STAG1: variants seen among roughly 807,000 people sequenced by gnomAD.
STAG1 encodes the protein STAG1 cohesin complex component.
In STAG1, 26 loss-of-function variants were observed where a neutral mutation model predicts 170.9. That is an observed-to-expected ratio of 0.15 (90% CI 0.11 to 0.21). The LOEUF is 0.21. Ranked by LOEUF, STAG1 falls within the 10% of genes least tolerant of loss-of-function variation. The pLI, the probability that STAG1 is intolerant of heterozygous loss-of-function variation, is 1.00. For synonymous variants in STAG1, 514 were observed against 497.7 expected (o/e 1.03, Z -0.44); for missense variants, 964 against 1,509.5 (o/e 0.64, Z 5.99).
chr3:136,389,482 A>G (rs2086952812), intron 22 of STAG1, among the ~76,000 whole-genome samples: 1 of 151,646 alleles, frequency 6.6e-6, no homozygotes, highest in Admixed American at 6.6e-5. Flanking sequence ...TTTAGTAGAG[A>G]CGGGGTTTCA....
chr3:136,600,369 C>T (rs2107803213), intron 4 of STAG1, among the ~76,000 whole-genome samples: 1 of 152,292 alleles, frequency 6.6e-6, no homozygotes, highest in East Asian at 1.9e-4. Context: ...TCCTATTCTT[C>T]ATGAAGCACT....
chr3:136,359,631 G>A (rs1428294601), intron 26 of STAG1, among the ~76,000 whole-genome samples: 1 of 152,158 alleles, frequency 6.6e-6, no homozygotes, highest in African/African-American at 2.4e-5. Flanking sequence ...CCGGGTTAAA[G>A]GAATTCTCAC....
At chr3:136,518,347 C>A (rs928550639) in intron 7 of STAG1, 1 of 699,154 alleles carries the variant, frequency 1.4e-6, no homozygotes, top group African/African-American at 1.8e-5. Flanking sequence ...TGTAACTGTC[C>A]ATGCACATAG....
At chr3:136,559,721 T>C (rs981694970) in intron 5 of STAG1, among the ~76,000 whole-genome samples, 7 of 152,218 alleles carry the variant, frequency 4.6e-5, no homozygotes, top group African/African-American at 1.4e-4. Flanking sequence ...ATGAGGCAAC[T>C]TGCAATCTCA....
intron 1 of STAG1, among the ~76,000 whole-genome samples, chr3:136,677,813 T>G (rs1308748959): frequency 1.3e-5 from 2 of 151,072 alleles, no homozygotes; most frequent in African/African-American, 4.9e-5. Context: ...GCAGCCTGAA[T>G]AGACTAAGAA....
chr3:136,734,201 G>C (rs1345584871), intron 1 of STAG1, among the ~76,000 whole-genome samples: 1 of 151,858 alleles, frequency 6.6e-6, no homozygotes, highest in East Asian at 1.9e-4. Flanking sequence ...AAGAATAGGG[G>C]CTGACTACCT....
rs370653024 is a variant in STAG1, at chr3:136,463,351, G to A, written c.1313+1530C>T. Among the ~76,000 whole-genome samples the A allele has an allele frequency of 2.4e-4, 36 of 152,290 alleles. No individual in the cohort carries two copies. The South Asian group carries it at 7.3e-3, about 31-fold the overall frequency. On this transcript the variant is annotated intron_variant, in intron 13 of 33. Coordinates refer to ENST00000383202, the MANE Select transcript of STAG1 (RefSeq NM_005862.3). ...TAGCACTGAATGCAGATACTGGAGAGAGGACCAGGCCTGCTCATTATCAAA... is the reference window on the plus strand; with the variant it reads ...TAGCACTGAATGCAGATACTGGAGAAAGGACCAGGCCTGCTCATTATCAAA...
intron 29 of STAG1, among the ~76,000 whole-genome samples, chr3:136,345,486 G>T (rs1417317357): frequency 2.0e-5 from 3 of 146,492 alleles, no homozygotes; most frequent in South Asian, 2.1e-4. Flanking sequence ...TTTGAGATGG[G>T]GTTTTGCTAT....
intron 12 of STAG1, among the ~76,000 whole-genome samples, chr3:136,470,416 C>T (rs1331420599): frequency 6.6e-6 from 1 of 152,178 alleles, no homozygotes; most frequent in Non-Finnish European, 1.5e-5. Flanking sequence ...CAGAGAAATG[C>T]AAATCAAAAC....
intron 1 of STAG1, among the ~76,000 whole-genome samples, chr3:136,699,554 T>A (rs1942987598): frequency 6.6e-6 from 1 of 151,278 alleles, no homozygotes; most frequent in African/African-American, 2.4e-5. Flanking sequence ...CTAATTTATT[T>A]TTTTTTTTTT....
intron 3 of STAG1, among the ~76,000 whole-genome samples, chr3:136,612,099 G>A (rs1303422221): frequency 2.0e-5 from 3 of 151,610 alleles, no homozygotes; most frequent in South Asian, 2.1e-4. Flanking sequence ...TGCCCGCCTC[G>A]GCCTCCCAAA....
intron 9 of STAG1, among the ~76,000 whole-genome samples, chr3:136,485,888 A>C (rs898672610): frequency 1.3e-5 from 2 of 152,224 alleles, no homozygotes; most frequent in East Asian, 3.8e-4. Context: ...TTCTATAAAC[A>C]ATTATAAATT....
chr3:136,514,835 T>C (rs778746422), intron 7 of STAG1, among the ~76,000 whole-genome samples: 19 of 152,170 alleles, frequency 1.2e-4, no homozygotes, highest in South Asian at 4.1e-4. Context: ...CACCGCATGT[T>C]CTCACTCATA....
chr3:136,666,272 A>G (rs1941770249), intron 1 of STAG1, among the ~76,000 whole-genome samples: 1 of 151,998 alleles, frequency 6.6e-6, no homozygotes, highest in African/African-American at 2.4e-5. Context: ...AGCCTCCTGA[A>G]AGAAAACAGC....
chr3:136,384,474 A>G (rs565159904), intron 22 of STAG1, among the ~76,000 whole-genome samples: 2 of 151,410 alleles, frequency 1.3e-5, no homozygotes, highest in Non-Finnish European at 2.9e-5. Context: ...AAAAAAAAAA[A>G]AAAGAAATTT....
At chr3:136,342,314 C>T (rs1034180863) in intron 30 of STAG1, among the ~76,000 whole-genome samples, 13 of 152,040 alleles carry the variant, frequency 8.6e-5, no homozygotes, top group African/African-American at 2.9e-4. Context: ...CCACCGCGCC[C>T]AGCCAGGAAT....
At chr3:136,650,249 A>G (rs1443671116) in intron 1 of STAG1, among the ~76,000 whole-genome samples, 51 of 151,672 alleles carry the variant, frequency 3.4e-4, no homozygotes, top group African/African-American at 7.0e-4. Context: ...AAAAAAAAAA[A>G]AGAGAGAGAG....
intron 13 of STAG1, 145 bp downstream of exon 13, chr3:136,464,736 G>A: frequency 1.7e-6 from 1 of 583,286 alleles, no homozygotes; most frequent in Non-Finnish European, 3.0e-6. Context: ...GTATACATAG[G>A]CTGTGAGGCT....
intron 6 of STAG1, among the ~76,000 whole-genome samples, chr3:136,524,729 G>C (rs930270947): frequency 1.2e-4 from 13 of 104,400 alleles, no homozygotes; most frequent in Admixed American, 6.4e-4. Flanking sequence ...ACTGGCTGTG[G>C]GTTTGTCATA....
Sources: allele counts gnomAD v4.1 joint callset (sites outside exome capture counted in the v4.1 genomes callset), GRCh38; gene constraint gnomAD v4.1.1; transcripts MANE v1.5; gene names NCBI Gene and HGNC (gene_info 2026-07-23, HGNC 2026-07-21).